The following TNFRSF13B variants were observed in gnomAD, a reference collection of about 807,000 sequenced individuals.
TNFRSF13B encodes TNF receptor superfamily member 13B.
Under a neutral mutation model 24.0 loss-of-function variants are expected in TNFRSF13B, and 34 were observed. The observed-to-expected ratio is 1.41, with a 90% CI of 1.08 to 1.88. The LOEUF (loss-of-function observed/expected upper bound fraction) is 1.88, where lower values mean the gene tolerates loss of function less well. Among genes scored for constraint, TNFRSF13B ranks in the 40% most tolerant of loss-of-function variants. The pLI is 0.00. For missense variants in TNFRSF13B, 415 were observed against 380.8 expected, an observed-to-expected ratio of 1.09 and a Z score of -0.75; for synonymous variants, 173 against 150.3, an observed-to-expected ratio of 1.15 and a Z score of -1.10.
chr17:16,961,939 G>T (rs1452647832), intron 1 of TNFRSF13B, among the ~76,000 whole-genome samples: 1 of 152,150 alleles, frequency 6.6e-6, no homozygotes, highest in Non-Finnish European at 1.5e-5. Context: ...AAAAAACCAC[G>T]GGTAGAACAG....
intron 1 of TNFRSF13B, among the ~76,000 whole-genome samples, chr17:16,964,306 G>A (rs1464575748): frequency 7.0e-6 from 1 of 142,834 alleles, no homozygotes; most frequent in Admixed American, 7.0e-5. Flanking sequence ...CTTCAGAGAT[G>A]TTCAAGGTTG....
At position 16,939,448 on chromosome 17, in the gene TNFRSF13B, T is replaced by TC. The variant is rs555681458; in HGVS notation, c.*98dup. 525 of 1,380,772 alleles carry TC rather than the reference T, an allele frequency of 3.8e-4. 3 individuals carry two copies. In the African/African-American group the frequency reaches 6.7e-3, roughly 18 times the overall value. 85.5% of individuals were successfully genotyped at this position (1,380,772 alleles called of 1,614,324 possible). On this transcript the variant is annotated 3_prime_UTR_variant, in exon 5 of 5. Transcript: ENST00000261652. ...TTTCTCTCCCTCTCTGCCTCCTCTG[T>TC]CTCTCTCTCCTCATATCTCTCTCCC...
rs560378603 is a variant in TNFRSF13B at position 16,943,132 on chromosome 17, A to T, written c.446-2621T>A. On this transcript the variant is annotated intron_variant, in intron 3 of 4. Coordinates refer to ENST00000261652, the MANE Select transcript of TNFRSF13B (RefSeq NM_012452.3). ...AGCACCATCTGCATGACAGACCCCA[A>T]GCAAGAGCAGCAGAAGACCCGCCTA... Among the ~76,000 whole-genome samples, 119 of 152,352 alleles carry T rather than the reference A, an allele frequency of 7.8e-4. 1 individual carries two copies. Among genetic ancestry groups the T allele is most frequent in the African/African-American group, 2.7e-3 (114 of 41,592 alleles).
chr17:16,967,979 A>G (rs1207596054), intron 1 of TNFRSF13B, among the ~76,000 whole-genome samples: 1 of 150,916 alleles, frequency 6.6e-6, no homozygotes, highest in East Asian at 1.9e-4. Flanking sequence ...CTACTAAAAA[A>G]AAATACAAAA....
At chr17:16,966,462 G>A (rs1248660047) in intron 1 of TNFRSF13B, among the ~76,000 whole-genome samples, 1 of 152,138 alleles carries the variant, frequency 6.6e-6, no homozygotes, top group Non-Finnish European at 1.5e-5. Context: ...TCACAGTCAG[G>A]GAAATACAAC....
chr17:16,952,467 G>T lies in TNFRSF13B; in HGVS notation c.178C>A (p.Arg60Ser), dbSNP rs777555444. Residue 60 changes from arginine (R) to serine (S), a missense_variant, in exon 2 of 5, where the codon CGC becomes AGC. By Grantham distance (110) the Arg-to-Ser change is moderately radical. Coordinates refer to ENST00000261652, the MANE Select transcript of TNFRSF13B (RefSeq NM_012452.3). The stretch of plus-strand genomic sequence containing the variant: ...TCACTGCAGAAGGCTGCACAGGTGC[G>T]CTGGCTCTGATGGTTGCAAATGGTT... ...CKTICNHQSQ[R>S]TCAAFCRSLS... 1.2e-6 allele frequency: 2 copies of T among 1,614,140 alleles called. No homozygotes were observed. The highest frequency in any genetic ancestry group is 4.5e-5 in the East Asian group (2 of 44,884).
intron 3 of TNFRSF13B, 74 bp from the exon 4 acceptor site, chr17:16,940,585 C>T (rs950574230): frequency 1.1e-4 from 175 of 1,553,176 alleles, no homozygotes; most frequent in Non-Finnish European, 1.3e-4. Context: ...CAATCCACAT[C>T]CCCCCATCCC....
intron 3 of TNFRSF13B, among the ~76,000 whole-genome samples, chr17:16,942,336 G>A (rs2087517020): frequency 6.6e-6 from 1 of 152,188 alleles, no homozygotes; most frequent in African/African-American, 2.4e-5. Flanking sequence ...CCCAGGGCTG[G>A]CACTGCCCGT....
intron 1 of TNFRSF13B, among the ~76,000 whole-genome samples, chr17:16,964,946 A>C (rs998002094): frequency 2.6e-5 from 4 of 151,896 alleles, no homozygotes; most frequent in African/African-American, 9.7e-5. Flanking sequence ...AGATCTTCTC[A>C]AGGGTGTGTA....
chr17:16,963,419 G>A (rs2087676725), intron 1 of TNFRSF13B, among the ~76,000 whole-genome samples: 1 of 152,158 alleles, frequency 6.6e-6, no homozygotes, highest in Admixed American at 6.5e-5. Flanking sequence ...TGGGGCGATG[G>A]GTGGGCTCCT....
chr17:16,940,495 C>T lies in TNFRSF13B; in HGVS notation c.462G>A (p.Lys154=), dbSNP rs2087502375. ...CCAGGGCCACCTGATCTGCACTCAG[C>T]TTCAGCCCCGGGAGAGCTGCAAGAC... ...SEASPALPGL[K]LSADQVALVY... The change falls in exon 4 of 5, where the codon AAG becomes AAA. Residue 154 remains lysine (K), a synonymous_variant. Transcript: ENST00000261652. The T allele has an allele frequency of 6.2e-7, 1 of 1,613,600 alleles. No individual in the cohort carries two copies. Among genetic ancestry groups the T allele is most frequent in the Non-Finnish European group, 8.5e-7 (1 of 1,180,030 alleles).
chr17:16,966,273 A>G (rs938201442), intron 1 of TNFRSF13B, among the ~76,000 whole-genome samples: 2 of 152,002 alleles, frequency 1.3e-5, no homozygotes, highest in Non-Finnish European at 2.9e-5. Context: ...AACACCAAAA[A>G]AACAAAAACA....
At chr17:16,954,479 G>A (rs1173274661) in intron 1 of TNFRSF13B, among the ~76,000 whole-genome samples, 1 of 152,218 alleles carries the variant, frequency 6.6e-6, no homozygotes, top group Non-Finnish European at 1.5e-5. Context: ...ACCATGCAAA[G>A]CTGACAGTCA....
At chr17:16,966,763 C>T (rs1459965484) in intron 1 of TNFRSF13B, among the ~76,000 whole-genome samples, 2 of 140,844 alleles carry the variant, frequency 1.4e-5, no homozygotes, top group Non-Finnish European at 3.0e-5. Context: ...ATTACAGCAA[C>T]ATTTTTTTTT....
At chr17:16,965,534 G>A (rs1017484874) in intron 1 of TNFRSF13B, among the ~76,000 whole-genome samples, 2 of 152,174 alleles carry the variant, frequency 1.3e-5, no homozygotes, top group African/African-American at 2.4e-5. Flanking sequence ...AAAGACTTGC[G>A]GAAGGAAAAG....
rs2087747772 is a variant in TNFRSF13B at position 16,971,935 on chromosome 17, C to T, written c.61+80G>A. ...GCTGTGGGCTTTGCACCTGCTGGACCTTGCAACCCCCACGGCACTCAGGCC... is the reference window on the plus strand; with the variant it reads ...GCTGTGGGCTTTGCACCTGCTGGACTTTGCAACCCCCACGGCACTCAGGCC... On this transcript the variant is annotated intron_variant, in intron 1 of 4. Transcript: ENST00000261652. The T allele has an allele frequency of 4.1e-6, 6 of 1,474,104 alleles. No individual in the cohort carries two copies. In the East Asian group the frequency reaches 1.1e-4, roughly 28 times the overall value. The allele number at this position is 1,474,104 out of a possible 1,614,324, so 91.3% of individuals were successfully genotyped here.
intron 1 of TNFRSF13B, among the ~76,000 whole-genome samples, chr17:16,963,531 T>TTG (rs71152835): frequency 0.037 from 5,545 of 151,784 alleles, 129 homozygotes; most frequent in South Asian, 0.11. Flanking sequence ...TTATCAAGTT[T>TTG]TGTTTTTGTT....
intron 2 of TNFRSF13B, among the ~76,000 whole-genome samples, chr17:16,949,263 T>A (rs539879632): frequency 8.5e-5 from 13 of 152,226 alleles, no homozygotes; most frequent in Non-Finnish European, 1.9e-4. Context: ...ACCTATGGGT[T>A]ATTTACAAGT....
intron 1 of TNFRSF13B, among the ~76,000 whole-genome samples, chr17:16,959,432 T>TAGA (rs35179518): frequency 0.12 from 18,770 of 151,454 alleles, 1,265 homozygotes; most frequent in East Asian, 0.22. Flanking sequence ...GAAATAAAAA[T>TAGA]AGAACAAACC....
Sources: gnomAD v4.1 joint callset for allele counts (sites outside exome capture counted in the v4.1 genomes callset) on GRCh38, gnomAD v4.1.1 for gene constraint, MANE v1.5 for transcripts, NCBI Gene and HGNC (gene_info 2026-07-23, HGNC 2026-07-21) for gene names.